Variants in LXN observed in about 807,000 individuals in gnomAD.
LXN encodes MUM.
LXN carries 28 observed loss-of-function variants against 29.8 expected under a neutral mutation model. The ratio of observed to expected loss-of-function variants is 0.94; its 90% CI spans 0.70 to 1.29. The LOEUF (loss-of-function observed/expected upper bound fraction) is 1.29, where lower values mean the gene tolerates loss of function less well. Among genes scored for constraint, LXN ranks in the 50% most tolerant of loss-of-function variants. The probability of loss-of-function intolerance (pLI) is 0.00; values close to 1 mark genes in which losing one functional copy is unlikely to be tolerated. For synonymous variants in LXN, 77 were observed against 89.6 expected (o/e 0.86, Z 0.80); for missense variants, 227 against 261.7 (o/e 0.87, Z 0.92).
rs1166904166 is a variant in LXN, at chr3:158,669,601, CCTTAA to C, written c.197_201del (p.Val66GlyfsTer6). On this transcript the variant is annotated frameshift_variant, in exon 3 of 6. Coordinates refer to ENST00000264265, the MANE Select transcript of LXN (RefSeq NM_020169.4). LOFTEE classifies it high-confidence loss of function. ...TAAAGTACTTCAGCTGTGCAGTTCA[CCTTAA>C]CTTGCTGTTTGAAATTTAGCAAAAT... The C allele has an allele frequency of 6.2e-7, 1 of 1,613,266 alleles. No homozygotes were observed. The highest frequency in any genetic ancestry group is 2.2e-5 in the East Asian group (1 of 44,848).
In LXN at chr3:158,672,336, C is replaced by A; in HGVS notation, c.129+14G>T. The A allele has an allele frequency of 6.2e-7, 1 of 1,613,240 alleles. No individual in the cohort carries two copies. Among genetic ancestry groups the A allele is most frequent in the Non-Finnish European group, 8.5e-7 (1 of 1,179,430 alleles). Reference sequence around the variant, plus strand: ...CTGAAGCCTCTGCTGTCCACCACCCCCTGCTAAACTCACCTCCATGCTGGC... The same window carrying A: ...CTGAAGCCTCTGCTGTCCACCACCCACTGCTAAACTCACCTCCATGCTGGC... On this transcript the variant is annotated intron_variant, in intron 1 of 5. Coordinates refer to ENST00000264265, the MANE Select transcript of LXN (RefSeq NM_020169.4).
intron 5 of LXN, 133 bp downstream of exon 5, chr3:158,666,879 T>G (rs957863605): frequency 1.8e-4 from 255 of 1,446,970 alleles, no homozygotes; most frequent in Non-Finnish European, 2.0e-4. Flanking sequence ...GCAATTATAA[T>G]ATACTTAAAT....
At chr3:158,669,294 G>A in intron 3 of LXN, 139 bp downstream of exon 3, 2 of 1,177,282 alleles carry the variant, frequency 1.7e-6, no homozygotes, top group Non-Finnish European at 2.4e-6. Context: ...TTTTTTGTTG[G>A]ATTGGATTAG....
intron 4 of LXN, among the ~76,000 whole-genome samples, chr3:158,668,582 T>C (rs1723947794): frequency 6.6e-6 from 1 of 152,254 alleles, no homozygotes; most frequent in South Asian, 2.1e-4. Flanking sequence ...GATTAAGAGC[T>C]ATGATTACCG....
chr3:158,668,351 G>A (rs1000319395), intron 4 of LXN, among the ~76,000 whole-genome samples: 1 of 151,938 alleles, frequency 6.6e-6, no homozygotes, highest in Admixed American at 6.6e-5. Context: ...AAAAATCTGT[G>A]CATGTTCAGT....
chr3:158,669,544 C>A lies in LXN; in HGVS notation c.259G>T (p.Val87Phe). 1 of 1,614,006 alleles carries A rather than the reference C, an allele frequency of 6.2e-7. No individual in the cohort carries two copies. Among genetic ancestry groups the A allele is most frequent in the Non-Finnish European group, 8.5e-7 (1 of 1,179,918 alleles). Reference sequence around the variant, plus strand: ...GTTTCTCCTTCAAATGTGAAGTTGACTTCTGGTGCAGTTTCTTGTCCCGTT... The same window carrying A: ...GTTTCTCCTTCAAATGTGAAGTTGAATTCTGGTGCAGTTTCTTGTCCCGTT... Reference protein sequence around the residue: ...PSTGQETAPEVNFTFEGETGK... With the variant: ...PSTGQETAPEFNFTFEGETGK... The change falls in exon 3 of 6, where the codon GTC (valine) becomes TTC (phenylalanine). Residue 87 changes from valine to phenylalanine, a missense_variant. Transcript: ENST00000264265.
chr3:158,670,946 A>G lies in LXN; in HGVS notation c.192+11T>C. On this transcript the variant is annotated intron_variant, in intron 2 of 5. Transcript: ENST00000264265. Reference sequence around the variant, plus strand: ...AGACCCTGTCTCAAAGAAAAAAGAAATTTAACTTACTTTTTGTATAATTTC... The same window carrying G: ...AGACCCTGTCTCAAAGAAAAAAGAAGTTTAACTTACTTTTTGTATAATTTC... The G allele has an allele frequency of 6.5e-7, 1 of 1,534,780 alleles. No individual in the cohort carries two copies. Among genetic ancestry groups the G allele is most frequent in the Non-Finnish European group, 8.8e-7 (1 of 1,142,446 alleles).
Position 158,670,963 on chromosome 3 carries a change from T to C in LXN, c.186A>G (p.Ile62Met), listed in dbSNP as rs779601854. ...AAAAAGAAATTTAACTTACTTTTTG[T>C]ATAATTTCTTCAACAGCAAATTTAA... ...YHLKFAVEEI[I>M]QKQVKVNCTA... The change falls in exon 2 of 6, where the codon ATA (isoleucine) becomes ATG (methionine). Residue 62 changes from isoleucine to methionine, a missense_variant. Ile to Met is a conservative substitution (Grantham distance 10, BLOSUM62 1). Coordinates refer to ENST00000264265, the MANE Select transcript of LXN (RefSeq NM_020169.4). 1 of 1,538,522 alleles carries C rather than the reference T, an allele frequency of 6.5e-7. No individual in the cohort carries two copies. The highest frequency in any genetic ancestry group is 8.7e-7 in the Non-Finnish European group (1 of 1,145,106).
chr3:158,667,849 A>G (rs921457336), intron 4 of LXN, among the ~76,000 whole-genome samples: 1 of 152,224 alleles, frequency 6.6e-6, no homozygotes, highest in Non-Finnish European at 1.5e-5. Flanking sequence ...TAGTGAGTGT[A>G]GTTGTGTGAT....
At chr3:158,669,669 A>G (rs1724077659) in intron 2 of LXN, 59 bp from the exon 3 acceptor site, 3 of 1,470,298 alleles carry the variant, frequency 2.0e-6, no homozygotes, top group Non-Finnish European at 2.8e-6. Context: ...ATTAATTATC[A>G]TCTTTGAGAT....
chr3:158,671,066 A>T lies in LXN; in HGVS notation c.130-47T>A, dbSNP rs373074773. 6 of 1,439,382 alleles carry T rather than the reference A, an allele frequency of 4.2e-6. No individual in the cohort carries two copies. The African/African-American group carries it at 8.9e-5, about 21-fold the overall frequency. 89.2% of individuals were successfully genotyped at this position (1,439,382 alleles called of 1,614,324 possible). A position where few individuals can be genotyped will look rare whatever the true frequency, so the allele number is the denominator to read the frequency against. Reference sequence around the variant, plus strand: ...GGAGACAAGAAAATATTATAACAACATTATACTTGCATTGTTAGAAGTATG... The same window carrying T: ...GGAGACAAGAAAATATTATAACAACTTTATACTTGCATTGTTAGAAGTATG... On this transcript the variant is annotated intron_variant, in intron 1 of 5. Coordinates refer to ENST00000264265, the MANE Select transcript of LXN (RefSeq NM_020169.4).
At chr3:158,670,840 G>A in intron 2 of LXN, 117 bp downstream of exon 2, 1 of 1,271,510 alleles carries the variant, frequency 7.9e-7, no homozygotes, top group Non-Finnish European at 1.0e-6. Context: ...AGGCTGAGGT[G>A]GGAAGATGGC....
In LXN at chr3:158,671,811, G is replaced by A. The variant is rs187009465; in HGVS notation, c.129+539C>T. Among the ~76,000 whole-genome samples, 263 of 152,288 alleles carry A rather than the reference G, an allele frequency of 1.7e-3. 2 individuals carry two copies. Among genetic ancestry groups the A allele is most frequent in the Non-Finnish European group, 1.0e-3 (68 of 68,026 alleles). On this transcript the variant is annotated intron_variant, in intron 1 of 5. Transcript: ENST00000264265. ...TCATTTAAGGCAGTCATGTGGTAGCGGTGTTTGGGTGGCTAAAGGCCAGCG... is the reference window on the plus strand; with the variant it reads ...TCATTTAAGGCAGTCATGTGGTAGCAGTGTTTGGGTGGCTAAAGGCCAGCG...
In LXN at chr3:158,669,058, A is replaced by G. The variant is rs1018975520; in HGVS notation, c.445T>C (p.Trp149Arg). Residue 149 changes from tryptophan (W) to arginine (R), a missense_variant, in exon 4 of 6, where the codon TGG becomes CGG. Trp to Arg is a moderately radical substitution (Grantham distance 101). Transcript: ENST00000264265. The part of the protein sequence containing the change: ...LAWVACGYII[W>R]QNSTEDTWYK... ...CATGTGTCTTCAGTAGAATTTTGCC[A>G]TATTATATAACCACAGGCAACCCAG... 3.1e-6 allele frequency: 5 copies of G among 1,613,662 alleles called. No individual in the cohort carries two copies. The highest frequency in any genetic ancestry group is 2.2e-5 in the East Asian group (1 of 44,824).
Position 158,672,544 on chromosome 3 carries a change from G to T in LXN, c.-66C>A. 1 of 1,590,154 alleles carries T rather than the reference G, an allele frequency of 6.3e-7. No homozygotes were observed. Among genetic ancestry groups the T allele is most frequent in the African/African-American group, 1.3e-5 (1 of 74,556 alleles). ...TTAACGGGACCAGTAGCAGAGCGCCGCCCGTCCTGCTTGCTGCTGGGTCCG... is the reference window on the plus strand; with the variant it reads ...TTAACGGGACCAGTAGCAGAGCGCCTCCCGTCCTGCTTGCTGCTGGGTCCG... On this transcript the variant is annotated 5_prime_UTR_variant, in exon 1 of 6. Coordinates refer to ENST00000264265, the MANE Select transcript of LXN (RefSeq NM_020169.4).
chr3:158,668,425 G>C (rs1224639831), intron 4 of LXN, among the ~76,000 whole-genome samples: 1 of 152,132 alleles, frequency 6.6e-6, no homozygotes, highest in South Asian at 2.1e-4. Flanking sequence ...TGTATCCATA[G>C]ATGCAGAACC....
Position 158,669,516 on chromosome 3 carries a change from C to G in LXN, c.287G>C (p.Gly96Ala). 2.5e-6 allele frequency: 4 copies of G among 1,613,924 alleles called. No homozygotes were observed. Among genetic ancestry groups the G allele is most frequent in the Non-Finnish European group, 3.4e-6 (4 of 1,179,912 alleles). Residue 96 changes from glycine to alanine, a missense_variant, in exon 3 of 6, where the codon GGA (glycine) becomes GCA (alanine). Physicochemically the swap from Gly to Ala is moderately conservative, Grantham distance 60. Transcript: ENST00000264265. Reference protein sequence around the residue: ...EVNFTFEGETGKNPDEEDNTF... With the variant: ...EVNFTFEGETAKNPDEEDNTF... ...GTTGTCTTCTTCATCTGGATTCTTT[C>G]CAGTTTCTCCTTCAAATGTGAAGTT...
chr3:158,670,667 AG>A (rs1365511708), intron 2 of LXN, among the ~76,000 whole-genome samples: 1 of 152,250 alleles, frequency 6.6e-6, no homozygotes, highest in Non-Finnish European at 1.5e-5. Flanking sequence ...TGATCAGCAA[AG>A]ATGATCTGGA....
rs116725077 is a variant in LXN, at chr3:158,672,433, C to T, written c.46G>A (p.Val16Met). ...TGGTAGTTGATGTAGTTCTGTGCCA[C>T]CAAGGCCGCCCTGGAGGCTGGGTAG... is the stretch of plus-strand genomic sequence containing the variant. ...TNYPASRAAL[V>M]AQNYINYQQG... is the part of the protein sequence containing the mutation. The change falls in exon 1 of 6, where the codon GTG becomes ATG. Residue 16 changes from valine to methionine, a missense_variant. By Grantham distance (21) the Val-to-Met change is conservative (BLOSUM62 1). Transcript: ENST00000264265. 8,128 of 1,614,096 alleles carry T rather than the reference C, an allele frequency of 5.0e-3. 31 individuals carry two copies. Among genetic ancestry groups the T allele is most frequent in the Non-Finnish European group, 6.2e-3 (7,276 of 1,179,974 alleles).
Sources: allele counts gnomAD v4.1 joint callset (sites outside exome capture counted in the v4.1 genomes callset), GRCh38; gene constraint gnomAD v4.1.1; transcripts MANE v1.5; gene names NCBI Gene and HGNC (gene_info 2026-07-23, HGNC 2026-07-21).